C8orf89: variants seen among roughly 807,000 people sequenced by gnomAD.
C8orf89 encodes the protein putative uncharacterized protein C8orf89.
In C8orf89, 14 loss-of-function variants were observed where a neutral mutation model predicts 15.8. That is an observed-to-expected ratio of 0.89 (90% CI 0.59 to 1.39). C8orf89 has a LOEUF of 1.39. C8orf89 is among the 40% of genes most tolerant of loss of function. The pLI, the probability that C8orf89 is intolerant of heterozygous loss-of-function variation, is 0.00. For synonymous variants in C8orf89, 55 were observed against 62.2 expected, an observed-to-expected ratio of 0.88 and a Z score of 0.54; for missense variants, 181 against 184.5, an observed-to-expected ratio of 0.98 and a Z score of 0.11.
At position 73,257,139 on chromosome 8, in the gene C8orf89, A is replaced by G. The variant is rs1813413844; in HGVS notation, c.128-13T>C. 2.7e-6 allele frequency: 4 copies of G among 1,497,594 alleles called. No homozygotes were observed. The highest frequency in any genetic ancestry group is 2.1e-5 in the Admixed American group (1 of 48,056). 92.8% of individuals were successfully genotyped at this position (1,497,594 alleles called of 1,614,324 possible). A position where few individuals can be genotyped will look rare whatever the true frequency, so the allele number is the denominator to read the frequency against. ...GCTGTGGTATATTCTGGTTAAAAAT[A>G]TATAAGAATCATCTTGATTAAATGC... On this transcript the variant is annotated splice_polypyrimidine_tract_variant and intron_variant, in intron 1 of 3. Coordinates refer to ENST00000624510, the MANE Select transcript of C8orf89 (RefSeq NM_001243237.3).
the C8orf89 span, among the ~76,000 whole-genome samples, chr8:73,283,576 T>G: frequency 0.4 from 60,994 of 152,094 alleles, 12,503 homozygotes; most frequent in South Asian, 0.57. Context: ...ATTCTCTTCT[T>G]TTAAAGAATA....
At chr8:73,248,568 A>G (rs1432338684) in intron 3 of C8orf89, among the ~76,000 whole-genome samples, 1 of 152,190 alleles carries the variant, frequency 6.6e-6, no homozygotes, top group Non-Finnish European at 1.5e-5. Flanking sequence ...CTTCCTATCC[A>G]TGAACATGGA....
At chr8:73,284,872 C>T in the C8orf89 span, among the ~76,000 whole-genome samples, 1 of 152,038 alleles carries the variant, frequency 6.6e-6, no homozygotes, top group Non-Finnish European at 1.5e-5. Context: ...ATTATAATAC[C>T]CTAAAAGTGC....
At chr8:73,279,262 C>T in the C8orf89 span, among the ~76,000 whole-genome samples, 35 of 152,294 alleles carry the variant, frequency 2.3e-4, no homozygotes, top group African/African-American at 7.9e-4. Context: ...CTATAGAAGT[C>T]AAGGATTCCT....
chr8:73,284,034 C>CTCTG, the C8orf89 span, among the ~76,000 whole-genome samples: 1 of 147,746 alleles, frequency 6.8e-6, no homozygotes, highest in East Asian at 2.0e-4. Context: ...AAGAACGAAA[C>CTCTG]TCTGTCTTAA....
chr8:73,262,814 C>T (rs1054961385), upstream of C8orf89, among the ~76,000 whole-genome samples: 7 of 75,918 alleles, frequency 9.2e-5, no homozygotes, highest in African/African-American at 3.0e-4. Flanking sequence ...AAGATCCTGG[C>T]TCAAAAAAAA....
intron 3 of C8orf89, among the ~76,000 whole-genome samples, chr8:73,249,310 G>C (rs1183668838): frequency 6.6e-6 from 1 of 152,158 alleles, no homozygotes; most frequent in Non-Finnish European, 1.5e-5. Context: ...TATACTGCTG[G>C]ATTCAGCTTG....
intron 2 of C8orf89, among the ~76,000 whole-genome samples, chr8:73,253,137 C>T (rs976832416): frequency 7.2e-5 from 11 of 151,876 alleles, no homozygotes; most frequent in African/African-American, 9.7e-5. Flanking sequence ...AGCTAGACTC[C>T]GTCTCAAAAA....
chr8:73,280,271 T>C, the C8orf89 span, among the ~76,000 whole-genome samples: 4 of 152,238 alleles, frequency 2.6e-5, no homozygotes, highest in Admixed American at 6.5e-5. Flanking sequence ...ATTTGAAATA[T>C]ATTGAAGCAA....
At chr8:73,249,527 G>C (rs780298023) in intron 3 of C8orf89, among the ~76,000 whole-genome samples, 7 of 152,124 alleles carry the variant, frequency 4.6e-5, no homozygotes, top group Non-Finnish European at 1.0e-4. Context: ...GTAGAATTCA[G>C]CTGTGAATCT....
the C8orf89 span, chr8:73,277,551 A>G: frequency 1.3e-6 from 1 of 763,598 alleles, no homozygotes; most frequent in Non-Finnish European, 2.4e-6. Context: ...AGAAGCCTCC[A>G]TTCCAGGCTC....
chr8:73,259,775 T>C (rs188538067), upstream of C8orf89, among the ~76,000 whole-genome samples: 44 of 151,864 alleles, frequency 2.9e-4, no homozygotes, highest in Non-Finnish European at 4.7e-4. Flanking sequence ...CCATGGAAAA[T>C]AAACATGTTT....
chr8:73,264,545 C>T, the C8orf89 span, among the ~76,000 whole-genome samples: 1 of 152,146 alleles, frequency 6.6e-6, no homozygotes, highest in Non-Finnish European at 1.5e-5. Flanking sequence ...GGCTGGAGTG[C>T]AGTGGCGCGA....
chr8:73,275,187 A>C, the C8orf89 span, among the ~76,000 whole-genome samples: 23 of 149,622 alleles, frequency 1.5e-4, no homozygotes, highest in African/African-American at 4.2e-4. Flanking sequence ...CTGTATTCCC[A>C]TAATTTTTGT....
At chr8:73,276,812 T>C in the C8orf89 span, among the ~76,000 whole-genome samples, 7 of 138,882 alleles carry the variant, frequency 5.0e-5, no homozygotes, top group African/African-American at 1.9e-4. Context: ...GTCATTTTTT[T>C]TTTTTTTTTT....
rs544497100 is a variant in C8orf89 at position 73,241,467 on chromosome 8, C to T, written c.476G>A (p.Arg159Gln). 1.2e-5 allele frequency: 18 copies of T among 1,527,876 alleles called. No individual in the cohort carries two copies. Among genetic ancestry groups the T allele is most frequent in the Middle Eastern group, 1.7e-4 (1 of 5,970 alleles). The allele number at this position is 1,527,876 out of a possible 1,614,324, so 94.6% of individuals were successfully genotyped here. The change falls in exon 4 of 4, where the codon CGA becomes CAA. Residue 159 changes from arginine to glutamine, a missense_variant. Arg to Gln is a conservative substitution (Grantham distance 43). Coordinates refer to ENST00000624510, the MANE Select transcript of C8orf89 (RefSeq NM_001243237.3). ...KSKKSKKRDL[R>Q]DR ...ACTGTACGACATTTTTCAGCGGTCT[C>T]GGAGGTCTCGTTTCTTGCTTTTTTT...
At chr8:73,259,601 G>C (rs2130292396), upstream of C8orf89, 1 of 484,824 alleles carries the variant, frequency 2.1e-6, no homozygotes, top group Non-Finnish European at 3.3e-6. Flanking sequence ...ACATTTTAAT[G>C]AATTCTTTCA....
chr8:73,279,633 T>C, the C8orf89 span, among the ~76,000 whole-genome samples: 2 of 152,362 alleles, frequency 1.3e-5, no homozygotes, highest in South Asian at 4.1e-4. Flanking sequence ...CTTCCTTCAC[T>C]GTGATGTTCC....
the C8orf89 span, among the ~76,000 whole-genome samples, chr8:73,268,224 A>G: frequency 6.6e-6 from 1 of 152,198 alleles, no homozygotes; most frequent in African/African-American, 2.4e-5. Flanking sequence ...TCATGCCTGT[A>G]ATCCCAGCAC....
Sources: gnomAD v4.1 joint callset for allele counts (sites outside exome capture counted in the v4.1 genomes callset) on GRCh38, gnomAD v4.1.1 for gene constraint, MANE v1.5 for transcripts, NCBI Gene and HGNC (gene_info 2026-07-23, HGNC 2026-07-21) for gene names.